SPATA13: variants seen among roughly 807,000 people sequenced by gnomAD.
SPATA13 encodes the protein spermatogenesis associated 13, also known as spermatogenesis-associated protein 13.
Under a neutral mutation model 104.0 loss-of-function variants are expected in SPATA13, and 50 were observed. The observed-to-expected ratio is 0.48, with a 90% confidence interval of 0.38 to 0.61. SPATA13 has a LOEUF of 0.61. SPATA13 is among the 20% of genes least tolerant of loss of function. The pLI is 0.00. For missense variants in SPATA13, 1,524 were observed against 1,690.6 expected, an observed-to-expected ratio of 0.90 and a Z score of 1.73; for synonymous variants, 606 against 667.5, an observed-to-expected ratio of 0.91 and a Z score of 1.42.
At chr13:24,147,474 C>T (rs1881968472) in intron 3 of SPATA13, among the ~76,000 whole-genome samples, 1 of 152,150 alleles carries the variant, frequency 6.6e-6, no homozygotes, top group Admixed American at 6.5e-5. Flanking sequence ...TCTGTGTGCT[C>T]CCTTCTCCGT....
intron 4 of SPATA13, among the ~76,000 whole-genome samples, chr13:24,277,784 C>T (rs939980035): frequency 6.6e-6 from 1 of 152,174 alleles, no homozygotes; most frequent in African/African-American, 2.4e-5. Context: ...TTAAGTCTGT[C>T]CTGTCCTTTA....
At chr13:24,026,169 C>T (rs773443202) in intron 3 of SPATA13, among the ~76,000 whole-genome samples, 1 of 152,064 alleles carries the variant, frequency 6.6e-6, no homozygotes, top group African/African-American at 2.4e-5. Context: ...TTTTTCATGT[C>T]GTTTTATGGT....
intron 1 of SPATA13, among the ~76,000 whole-genome samples, chr13:23,982,210 G>C (rs1314773977): frequency 2.0e-5 from 3 of 152,294 alleles, no homozygotes; most frequent in African/African-American, 4.8e-5. Context: ...AGCCACATTA[G>C]AGAGGTCATA....
chr13:24,119,807 G>A (rs979340619), intron 3 of SPATA13, among the ~76,000 whole-genome samples: 5 of 152,142 alleles, frequency 3.3e-5, no homozygotes, highest in African/African-American at 4.8e-5. Context: ...CCCAAGACCC[G>A]GCCAGCCCCC....
chr13:24,015,438 A>G (rs1008028063), intron 2 of SPATA13, among the ~76,000 whole-genome samples: 3 of 152,242 alleles, frequency 2.0e-5, no homozygotes, highest in African/African-American at 7.2e-5. Flanking sequence ...CATGTGAGGA[A>G]AAACTAATTT....
chr13:24,278,409 C>T (rs750783196), intron 4 of SPATA13, among the ~76,000 whole-genome samples: 1 of 152,072 alleles, frequency 6.6e-6, no homozygotes, highest in Non-Finnish European at 1.5e-5. Flanking sequence ...ACATTATAGG[C>T]ACCTGATAAA....
intron 1 of SPATA13, among the ~76,000 whole-genome samples, chr13:23,982,606 G>A (rs543145492): frequency 6.6e-6 from 1 of 152,166 alleles, no homozygotes; most frequent in South Asian, 2.1e-4. Flanking sequence ...ATGCTAGGGA[G>A]TACCTATTTC....
intron 2 of SPATA13, among the ~76,000 whole-genome samples, chr13:23,987,906 G>C (rs546500422): frequency 4.0e-5 from 6 of 151,808 alleles, no homozygotes; most frequent in Non-Finnish European, 5.9e-5. Context: ...ACGTTCTTAA[G>C]GCCCAGGTAT....
chr13:23,996,777 C>T (rs1256241426), intron 2 of SPATA13, among the ~76,000 whole-genome samples: 1 of 152,204 alleles, frequency 6.6e-6, no homozygotes, highest in African/African-American at 2.4e-5. Context: ...AAGAGGCTGC[C>T]AGCGTTCCTT....
At chr13:24,211,713 A>G (rs2138589706) in intron 1 of SPATA13, among the ~76,000 whole-genome samples, 1 of 152,154 alleles carries the variant, frequency 6.6e-6, no homozygotes, top group Non-Finnish European at 1.5e-5. Flanking sequence ...GGCCAGGATT[A>G]TCTCATCCGG....
At chr13:24,136,009 G>C (rs551309651) in intron 3 of SPATA13, among the ~76,000 whole-genome samples, 5 of 152,296 alleles carry the variant, frequency 3.3e-5, no homozygotes, top group Admixed American at 3.3e-4. Context: ...TTCCTGAGCA[G>C]AATTAAGCTC....
intron 1 of SPATA13, among the ~76,000 whole-genome samples, chr13:24,200,560 C>T (rs538086903): frequency 3.8e-4 from 58 of 152,114 alleles, no homozygotes; most frequent in South Asian, 1.7e-3. Flanking sequence ...GGATTATCAC[C>T]ACTTAACTCT....
In SPATA13 at chr13:24,036,241, C is replaced by T. The variant is rs538391054; in HGVS notation, c.-112+18540C>T. Among the ~76,000 whole-genome samples the T allele has an allele frequency of 3.3e-5, 5 of 152,198 alleles. No individual in the cohort carries two copies. In the South Asian group the frequency reaches 8.3e-4, roughly 25 times the overall value. On this transcript the variant is annotated intron_variant, in intron 3 of 14. Coordinates refer to the SPATA13 transcript ENST00000424834. ...AAGCCCCAAAGACAATGAGTAGGAA[C>T]GACAGTGTTTTGGTGTTTTGCAAAT...
At chr13:24,197,735 G>T (rs1220567) in intron 1 of SPATA13, among the ~76,000 whole-genome samples, 63,251 of 151,824 alleles carry the variant, frequency 0.42, 13,423 homozygotes, top group Admixed American at 0.5. Flanking sequence ...TGCCATCCTT[G>T]GCCTTATTTC....
chr13:24,014,027 ACGCTTGCTAGGGCTGC>A (rs1241845675), intron 2 of SPATA13, among the ~76,000 whole-genome samples: 1 of 152,128 alleles, frequency 6.6e-6, no homozygotes, highest in Non-Finnish European at 1.5e-5. Flanking sequence ...GGGGCTGTAT[ACGCTTGCTAGGGCTGC>A]TGTGCCACAG....
intron 1 of SPATA13, among the ~76,000 whole-genome samples, chr13:24,171,833 G>T (rs574051070): frequency 6.6e-6 from 1 of 152,346 alleles, no homozygotes; most frequent in South Asian, 2.1e-4. Flanking sequence ...AGAAGAGGCA[G>T]AACTGGTTGG....
chr13:24,256,949 C>T (rs536120027), intron 4 of SPATA13, among the ~76,000 whole-genome samples: 3 of 152,316 alleles, frequency 2.0e-5, no homozygotes, highest in South Asian at 4.1e-4. Context: ...AGAAGATTTT[C>T]CTGGGGAATT....
chr13:24,283,478 T>C (rs143266823), intron 4 of SPATA13, among the ~76,000 whole-genome samples: 4 of 152,308 alleles, frequency 2.6e-5, no homozygotes, highest in African/African-American at 7.2e-5. Flanking sequence ...CAGTGACAGA[T>C]TGTTGGCTTT....
chr13:23,997,645 C>A (rs2810701), intron 2 of SPATA13, among the ~76,000 whole-genome samples: 116,893 of 152,028 alleles, frequency 0.77, 45,148 homozygotes, highest in African/African-American at 0.81. Flanking sequence ...GCATCAGACC[C>A]GCATCTGCTT....
Sources: allele counts gnomAD v4.1 joint callset (sites outside exome capture counted in the v4.1 genomes callset), GRCh38; gene constraint gnomAD v4.1.1; transcripts MANE v1.5; gene names NCBI Gene and HGNC (gene_info 2026-07-23, HGNC 2026-07-21).